The following NAA50 variants were observed in gnomAD, a reference collection of about 807,000 sequenced individuals.
NAA50 encodes the protein N-alpha-acetyltransferase 50.
A neutral mutation model predicts 20.7 loss-of-function variants in NAA50; 7 were observed. The ratio of observed to expected loss-of-function variants is 0.34; its 90% CI spans 0.19 to 0.63. The LOEUF is 0.63. Among genes scored for constraint, NAA50 ranks in the 30% least tolerant of loss-of-function variants. The pLI is 0.75. For synonymous variants in NAA50, 54 were observed against 70.6 expected, an observed-to-expected ratio of 0.77 and a Z score of 1.18; for missense variants, 111 against 199.1, an observed-to-expected ratio of 0.56 and a Z score of 2.66.
intron 1 of NAA50, among the ~76,000 whole-genome samples, chr3:113,742,028 T>C (rs963946305): frequency 2.6e-5 from 4 of 152,180 alleles, no homozygotes; most frequent in South Asian, 2.1e-4. Flanking sequence ...ATTGATTTTT[T>C]AAAAAAACTT....
intron 1 of NAA50, among the ~76,000 whole-genome samples, chr3:113,729,062 T>C (rs1445218635): frequency 6.6e-6 from 1 of 152,008 alleles, no homozygotes; most frequent in African/African-American, 2.4e-5. Context: ...CTCAGCTTAT[T>C]GCAACCTCCG....
At chr3:113,724,371 T>C (rs1708175333) in intron 1 of NAA50, among the ~76,000 whole-genome samples, 1 of 152,226 alleles carries the variant, frequency 6.6e-6, no homozygotes, top group East Asian at 1.9e-4. Flanking sequence ...GTCAAAATTT[T>C]CCTTGTAGTT....
chr3:113,744,782 G>C (rs985612537), intron 1 of NAA50, among the ~76,000 whole-genome samples: 1 of 152,198 alleles, frequency 6.6e-6, no homozygotes, highest in African/African-American at 2.4e-5. Context: ...ACATGTTACA[G>C]ACCTAAGACC....
chr3:113,727,368 A>C (rs1393733280), intron 1 of NAA50, among the ~76,000 whole-genome samples: 1 of 152,224 alleles, frequency 6.6e-6, no homozygotes, highest in Non-Finnish European at 1.5e-5. Context: ...GAGGTTTTTA[A>C]AACTTTAGGA....
chr3:113,733,606 C>G (rs1323356975), intron 1 of NAA50, among the ~76,000 whole-genome samples: 1 of 151,878 alleles, frequency 6.6e-6, no homozygotes, highest in Non-Finnish European at 1.5e-5. Flanking sequence ...AATCCCAGCA[C>G]TTTGGGCGGC....
At chr3:113,737,996 G>A (rs1708368501) in intron 1 of NAA50, among the ~76,000 whole-genome samples, 1 of 152,142 alleles carries the variant, frequency 6.6e-6, no homozygotes, top group Non-Finnish European at 1.5e-5. Context: ...TTTGAGTCCA[G>A]GAGTTCGAGA....
rs1241200423 is a variant in NAA50, at chr3:113,722,084, C to G, written c.333-147G>C. On this transcript the variant is annotated intron_variant, in intron 4 of 4. Coordinates refer to ENST00000240922, the MANE Select transcript of NAA50 (RefSeq NM_025146.4). ...AGGGTTAGGCATGCTTACCTAAAAC[C>G]TTTTGATGACAATTTTACACTTTTA... The G allele has an allele frequency of 1.6e-5, 11 of 686,428 alleles. 1 individual carries two copies. The South Asian group carries it at 2.2e-4, about 14-fold the overall frequency. 42.5% of individuals were successfully genotyped at this position (686,428 alleles called of 1,614,324 possible).
At chr3:113,732,102 C>A (rs1318369792) in intron 1 of NAA50, among the ~76,000 whole-genome samples, 2 of 152,126 alleles carry the variant, frequency 1.3e-5, no homozygotes, top group Non-Finnish European at 2.9e-5. Context: ...TCCCAGGAAT[C>A]TTGAATATCT....
At chr3:113,743,208 G>T (rs1397885385) in intron 1 of NAA50, among the ~76,000 whole-genome samples, 9 of 152,162 alleles carry the variant, frequency 5.9e-5, no homozygotes, top group Admixed American at 2.0e-4. Context: ...AGAAAAACCA[G>T]CTAAGTTTTA....
intron 1 of NAA50, among the ~76,000 whole-genome samples, chr3:113,740,387 G>A (rs543584481): frequency 3.3e-5 from 5 of 152,152 alleles, no homozygotes; most frequent in Non-Finnish European, 5.9e-5. Context: ...TTTGAGACAG[G>A]GTCTCCCTCT....
chr3:113,735,523 A>G (rs1708330409), intron 1 of NAA50, among the ~76,000 whole-genome samples: 1 of 152,266 alleles, frequency 6.6e-6, no homozygotes, highest in Non-Finnish European at 1.5e-5. Flanking sequence ...ACAACGGATC[A>G]TGAATTGTTT....
At chr3:113,724,783 C>T (rs1708180446) in intron 1 of NAA50, among the ~76,000 whole-genome samples, 2 of 152,010 alleles carry the variant, frequency 1.3e-5, no homozygotes, top group South Asian at 4.1e-4. Flanking sequence ...ATCATGGGGG[C>T]GGTTGCCCTC....
At chr3:113,730,707 T>C (rs1708260937) in intron 1 of NAA50, among the ~76,000 whole-genome samples, 1 of 152,204 alleles carries the variant, frequency 6.6e-6, no homozygotes, top group East Asian at 1.9e-4. Flanking sequence ...GCTGCTTGTT[T>C]GGTTTCTTTC....
chr3:113,736,815 A>C (rs1325571619), intron 1 of NAA50, among the ~76,000 whole-genome samples: 3 of 152,188 alleles, frequency 2.0e-5, no homozygotes, highest in Non-Finnish European at 4.4e-5. Context: ...CCACATCACC[A>C]CACCAGGCTC....
chr3:113,736,857 A>C (rs955838128), intron 1 of NAA50, among the ~76,000 whole-genome samples: 7 of 152,348 alleles, frequency 4.6e-5, no homozygotes, highest in African/African-American at 1.4e-4. Flanking sequence ...TATAACAAAA[A>C]GTGAAAATGA....
At chr3:113,731,654 A>C (rs1173982160) in intron 1 of NAA50, among the ~76,000 whole-genome samples, 2 of 152,252 alleles carry the variant, frequency 1.3e-5, no homozygotes, top group South Asian at 2.1e-4. Context: ...ACAGCCACTA[A>C]ATCTACTTTC....
intron 1 of NAA50, among the ~76,000 whole-genome samples, chr3:113,730,537 T>C (rs184129109): frequency 3.9e-5 from 6 of 152,236 alleles, no homozygotes; most frequent in Admixed American, 2.6e-4. Flanking sequence ...CAAATACATA[T>C]AATCATGTAA....
In NAA50 at chr3:113,717,919, AGT is replaced by A; in HGVS notation, c.*3839_*3840del. ...ACGAAGCCCAGCATCTTCTCTGAGC[AGT>A]GATAGCCAGTCTCCTAGAGGGCCCA... On this transcript the variant is annotated 3_prime_UTR_variant, in exon 5 of 5. Transcript: ENST00000240922. 1 of 152,450 alleles carries A rather than the reference AGT, an allele frequency of 6.6e-6. No homozygotes were observed. The highest frequency in any genetic ancestry group is 2.1e-4 in the South Asian group (1 of 4,830). The allele number at this position is 152,450 out of a possible 1,614,324, so 9.4% of individuals were successfully genotyped here.
At chr3:113,724,209 G>C (rs748915963) in intron 1 of NAA50, 114 bp from the exon 2 acceptor site, 6 of 1,158,340 alleles carry the variant, frequency 5.2e-6, no homozygotes, top group Non-Finnish European at 6.8e-6. Flanking sequence ...AACTCTTTCA[G>C]AGTTGATTTA....
Sources: gnomAD v4.1 joint callset for allele counts (sites outside exome capture counted in the v4.1 genomes callset) on GRCh38, gnomAD v4.1.1 for gene constraint, MANE v1.5 for transcripts, NCBI Gene and HGNC (gene_info 2026-07-23, HGNC 2026-07-21) for gene names.